SERPINI2: variants seen among roughly 807,000 people sequenced by gnomAD.
SERPINI2 encodes serpin family I member 2.
A neutral mutation model predicts 47.3 loss-of-function variants in SERPINI2; 48 were observed. That is an observed-to-expected ratio of 1.02 (90% CI 0.81 to 1.29). SERPINI2 has a LOEUF of 1.29. SERPINI2 is among the 50% of genes most tolerant of loss of function. The pLI, the probability that SERPINI2 is intolerant of heterozygous loss-of-function variation, is 0.00. For missense variants in SERPINI2, 448 were observed against 456.9 expected (o/e 0.98, Z 0.18); for synonymous variants, 135 against 149.3 (o/e 0.90, Z 0.70).
chr3:167,465,921 C>T (rs530019825), intron 3 of SERPINI2, among the ~76,000 whole-genome samples: 1 of 152,218 alleles, frequency 6.6e-6, no homozygotes, highest in South Asian at 2.1e-4. Context: ...CTCAGATATA[C>T]CTAGACTCTC....
At chr3:167,465,308 T>A in exon 5 of SERPINI2, 1 of 1,613,142 alleles carries the variant, frequency 6.2e-7, no homozygotes, top group Non-Finnish European at 8.5e-7. Flanking sequence ...ATCCATACCT[T>A]CTGCAGGAAG....
chr3:167,449,359 G>C, exon 7 of SERPINI2: 2 of 1,612,686 alleles, frequency 1.2e-6, no homozygotes, highest in Non-Finnish European at 1.7e-6. Flanking sequence ...TTATCTCAAA[G>C]AAAACTTTTT....
chr3:167,467,732 T>C (rs1185525595), intron 2 of SERPINI2, among the ~76,000 whole-genome samples: 1 of 152,158 alleles, frequency 6.6e-6, no homozygotes, highest in Admixed American at 6.5e-5. Flanking sequence ...TTATTTCAGC[T>C]GAAGAAAAAA....
intron 8 of SERPINI2, among the ~76,000 whole-genome samples, chr3:167,443,135 T>C (rs1208308691): frequency 1.3e-5 from 2 of 152,158 alleles, no homozygotes; most frequent in Non-Finnish European, 2.9e-5. Context: ...TGAGACGGAG[T>C]CTCGCTCTGT....
chr3:167,456,158 G>GTC (rs1749786264), intron 5 of SERPINI2, among the ~76,000 whole-genome samples: 1 of 146,748 alleles, frequency 6.8e-6, no homozygotes, highest in African/African-American at 2.7e-5. Flanking sequence ...CTCTGTGTGT[G>GTC]TGTGTGTGTG....
At chr3:167,456,171 T>TGC (rs1169692993) in intron 5 of SERPINI2, among the ~76,000 whole-genome samples, 1 of 151,736 alleles carries the variant, frequency 6.6e-6, no homozygotes, top group Non-Finnish European at 1.5e-5. Flanking sequence ...TGTGTGTGTG[T>TGC]GTGTGTGTGT....
chr3:167,474,224 A>AT (rs11462645), upstream of SERPINI2: 2,747 of 621,244 alleles, frequency 4.4e-3, 53 homozygotes, highest in African/African-American at 0.049. Context: ...GAATTGAGAA[A>AT]AAAACAATTA....
chr3:167,470,023 T>A (rs892802818), intron 2 of SERPINI2, among the ~76,000 whole-genome samples: 7 of 152,156 alleles, frequency 4.6e-5, no homozygotes, highest in Admixed American at 4.6e-4. Flanking sequence ...TACTTTATCA[T>A]GTTCACAATT....
chr3:167,442,724 G>A (rs191262060), intron 8 of SERPINI2, among the ~76,000 whole-genome samples: 16 of 152,226 alleles, frequency 1.1e-4, no homozygotes, highest in African/African-American at 3.4e-4. Flanking sequence ...ATAGTATACA[G>A]CATAAATGCA....
chr3:167,443,825 A>C (rs992341471), intron 8 of SERPINI2, among the ~76,000 whole-genome samples: 2 of 152,154 alleles, frequency 1.3e-5, no homozygotes, highest in African/African-American at 2.4e-5. Context: ...TGCCATCATC[A>C]ATCTACTTAC....
intron 2 of SERPINI2, among the ~76,000 whole-genome samples, chr3:167,470,508 T>TA (rs1457411145): frequency 7.0e-6 from 1 of 143,822 alleles, no homozygotes; most frequent in Admixed American, 7.0e-5. Flanking sequence ...AAAACAACTA[T>TA]AGAAACTGAG....
At chr3:167,444,441 T>G (rs1366902542) in intron 8 of SERPINI2, among the ~76,000 whole-genome samples, 1 of 152,124 alleles carries the variant, frequency 6.6e-6, no homozygotes, top group African/African-American at 2.4e-5. Flanking sequence ...AAACCTAAAA[T>G]CATTCATCCT....
chr3:167,449,712 C>G (rs1401333706), intron 6 of SERPINI2, among the ~76,000 whole-genome samples: 1 of 152,062 alleles, frequency 6.6e-6, no homozygotes, highest in African/African-American at 2.4e-5. Context: ...CAGGTGGTCC[C>G]GAACTCCTGA....
chr3:167,466,371 T>C (rs1440943756), intron 3 of SERPINI2, among the ~76,000 whole-genome samples: 1 of 152,180 alleles, frequency 6.6e-6, no homozygotes, highest in African/African-American at 2.4e-5. Flanking sequence ...GCTGATTAAA[T>C]AAAGAAACAA....
rs148700236 is a variant in SERPINI2, at chr3:167,464,925, G to T, written c.866+281C>A. 6.6e-3 allele frequency among the ~76,000 whole-genome samples: 998 copies of T among 152,152 alleles called. 11 individuals are homozygous for T. Among genetic ancestry groups the T allele is most frequent in the South Asian group, 0.032 (154 of 4,822 alleles). ...GTGGAGAAAATTAGCATAATAAAAA[G>T]ACAATAATTCCTTCTAATCCCAACA... is the stretch of plus-strand genomic sequence containing the variant. On this transcript the variant is annotated intron_variant, in intron 5 of 8. Coordinates refer to ENST00000264677, the Ensembl canonical transcript of SERPINI2.
At chr3:167,442,056 C>A in exon 9 of SERPINI2, 1 of 1,378,556 alleles carries the variant, frequency 7.3e-7, no homozygotes, top group African/African-American at 1.5e-5. Flanking sequence ...CGATATTTTG[C>A]CAATCAGCTA....
At position 167,471,543 on chromosome 3, in the gene SERPINI2, G is replaced by A. The variant is rs774883414; in HGVS notation, c.247+45C>T. On this transcript the variant is annotated intron_variant, in intron 2 of 8. Transcript: ENST00000264677. Reference sequence around the variant, plus strand: ...ACTTCTAATATTAAAAAATGAATGCGTCCATATCTTATCCAGTATAAGTAA... The same window carrying A: ...ACTTCTAATATTAAAAAATGAATGCATCCATATCTTATCCAGTATAAGTAA... The A allele has an allele frequency of 5.0e-5, 78 of 1,561,656 alleles. No homozygotes were observed. In the South Asian group the frequency reaches 6.2e-4, roughly 12 times the overall value.
At chr3:167,474,707 G>A (rs1052510655), upstream of SERPINI2, among the ~76,000 whole-genome samples, 11 of 151,794 alleles carry the variant, frequency 7.2e-5, no homozygotes, top group East Asian at 1.9e-3. Flanking sequence ...TTACCTTTAT[G>A]TGCTTTTGAA....
chr3:167,470,290 C>G (rs778788351), intron 2 of SERPINI2, among the ~76,000 whole-genome samples: 2 of 152,054 alleles, frequency 1.3e-5, no homozygotes, highest in South Asian at 2.1e-4. Context: ...TTCACTATTA[C>G]CAACGTCTTT....
Sources: allele counts gnomAD v4.1 joint callset (sites outside exome capture counted in the v4.1 genomes callset), GRCh38; gene constraint gnomAD v4.1.1; transcripts MANE v1.5; gene names NCBI Gene and HGNC (gene_info 2026-07-23, HGNC 2026-07-21).